The following FGD6 variants were observed in gnomAD, a reference collection of about 807,000 sequenced individuals.
FGD6 encodes the protein FYVE, RhoGEF and PH domain containing 6.
A neutral mutation model predicts 149.4 loss-of-function variants in FGD6; 90 were observed. That is an observed-to-expected ratio of 0.60 (90% CI 0.51 to 0.72). The LOEUF (loss-of-function observed/expected upper bound fraction) is 0.72. FGD6 is among the 30% of genes least tolerant of loss of function. FGD6 has a pLI of 0.00. For synonymous variants in FGD6, 527 were observed against 584.0 expected, an observed-to-expected ratio of 0.90 and a Z score of 1.41; for missense variants, 1,437 against 1,684.8, an observed-to-expected ratio of 0.85 and a Z score of 2.57.
intron 5 of FGD6, 47 bp from the exon 6 acceptor site, chr12:95,141,586 G>C (rs1879848282): frequency 6.2e-7 from 1 of 1,601,754 alleles, no homozygotes; most frequent in Non-Finnish European, 8.5e-7. Flanking sequence ...CATGTAACTT[G>C]ATAACAAGCT....
At position 95,077,373 on chromosome 12, in the gene FGD6, TA is replaced by T. The variant is rs893346995; in HGVS notation, c.*4146del. ...GGAGACAGGATCTAGTCTGGAGGAA[TA>T]GGGGAGAGAAAGACTAAGGGTCAGC... On this transcript the variant is annotated 3_prime_UTR_variant, in exon 21 of 21. Coordinates refer to ENST00000343958, the MANE Select transcript of FGD6 (RefSeq NM_018351.4). 82 of 152,270 alleles carry T rather than the reference TA, an allele frequency of 5.4e-4. No individual in the cohort carries two copies. The highest frequency in any genetic ancestry group is 2.0e-3 in the African/African-American group (82 of 41,468). The allele number at this position is 152,270 out of a possible 1,614,324, so 9.4% of individuals were successfully genotyped here.
Position 95,081,019 on chromosome 12 carries a change from C to G in FGD6, c.*501G>C, listed in dbSNP as rs1039930858. 1 of 152,164 alleles carries G rather than the reference C, an allele frequency of 6.6e-6. No homozygotes were observed. The highest frequency in any genetic ancestry group is 6.5e-5 in the Admixed American group (1 of 15,280). The allele number at this position is 152,164 out of a possible 1,614,324, so 9.4% of individuals were successfully genotyped here. A position where few individuals can be genotyped will look rare whatever the true frequency, so the allele number is the denominator to read the frequency against. Reference sequence around the variant, plus strand: ...GGCCATGTTTTTCCACTAAAAGATACAAATATTCACCCAAGTTTATTGATT... The same window carrying G: ...GGCCATGTTTTTCCACTAAAAGATAGAAATATTCACCCAAGTTTATTGATT... On this transcript the variant is annotated 3_prime_UTR_variant, in exon 21 of 21. Transcript: ENST00000343958.
chr12:95,143,077 T>A (rs1047601233), intron 5 of FGD6, among the ~76,000 whole-genome samples: 2 of 152,018 alleles, frequency 1.3e-5, no homozygotes, highest in African/African-American at 4.8e-5. Flanking sequence ...GATTTTTTCC[T>A]TTTTAGAAAC....
chr12:95,175,316 A>G (rs1173774754), intron 2 of FGD6, among the ~76,000 whole-genome samples: 1 of 152,242 alleles, frequency 6.6e-6, no homozygotes, highest in East Asian at 1.9e-4. Context: ...CCAACACACA[A>G]GAGACCCTCA....
Position 95,102,769 on chromosome 12 carries a change from T to G in FGD6, c.3497+2238A>C, listed in dbSNP as rs1878491471. 2.0e-5 allele frequency among the ~76,000 whole-genome samples: 3 copies of G among 152,160 alleles called. No individual in the cohort carries two copies. The South Asian group carries it at 6.2e-4, about 31-fold the overall frequency. ...GACATTTGGTTTGAGTCCTTGACAT[T>G]CATGGACGTAAGCAAAATTATAAAG... On this transcript the variant is annotated intron_variant, in intron 14 of 20. Transcript: ENST00000343958.
At chr12:95,208,321 C>A (rs2056703422) in intron 2 of FGD6, among the ~76,000 whole-genome samples, 1 of 152,004 alleles carries the variant, frequency 6.6e-6, no homozygotes, top group Non-Finnish European at 1.5e-5. Flanking sequence ...GTGTTTCCTG[C>A]ATTTTTCCTA....
At chr12:95,099,971 C>T (rs769285973) in intron 14 of FGD6, among the ~76,000 whole-genome samples, 6 of 151,836 alleles carry the variant, frequency 4.0e-5, no homozygotes, top group Non-Finnish European at 7.4e-5. Context: ...TTCCTGCCTC[C>T]CTGGTATGTC....
At chr12:95,084,205 C>T (rs540313445) in intron 20 of FGD6, among the ~76,000 whole-genome samples, 1 of 152,346 alleles carries the variant, frequency 6.6e-6, no homozygotes, top group South Asian at 2.1e-4. Flanking sequence ...AGCTTTCCTT[C>T]CTTTCAGCAG....
chr12:95,187,212 T>C (rs1881463091), intron 2 of FGD6, among the ~76,000 whole-genome samples: 1 of 150,580 alleles, frequency 6.6e-6, no homozygotes, highest in Non-Finnish European at 1.5e-5. Context: ...GCGCCTGTAG[T>C]CCCAACTACT....
chr12:95,107,549 A>G lies in FGD6; in HGVS notation c.3333+14T>C, dbSNP rs773390085. 9 of 1,613,814 alleles carry G rather than the reference A, an allele frequency of 5.6e-6. No individual in the cohort carries two copies. In the South Asian group the frequency reaches 9.9e-5, roughly 18 times the overall value. On this transcript the variant is annotated intron_variant, in intron 12 of 20. Transcript: ENST00000343958. ...CCTACCTCGGCCACATCAGAACTAC[A>G]CAAGTCCTCTTACCAGGAAAAACAT...
intron 8 of FGD6, among the ~76,000 whole-genome samples, chr12:95,124,124 C>A (rs1879268957): frequency 6.6e-6 from 1 of 150,526 alleles, no homozygotes; most frequent in South Asian, 2.1e-4. Flanking sequence ...GTTGCCCAGG[C>A]TGGTCTTGAA....
chr12:95,156,792 C>T (rs1880486253), intron 3 of FGD6, among the ~76,000 whole-genome samples: 1 of 152,134 alleles, frequency 6.6e-6, no homozygotes, highest in African/African-American at 2.4e-5. Context: ...CACTTCTGTA[C>T]TCTATCCCTT....
chr12:95,091,970 T>C (rs1240750939), intron 16 of FGD6, among the ~76,000 whole-genome samples, 161 bp from the exon 17 acceptor site: 4 of 152,204 alleles, frequency 2.6e-5, no homozygotes, highest in Non-Finnish European at 4.4e-5. Context: ...TTCAGGCATA[T>C]AGTGAACTAA....
chr12:95,140,834 G>A (rs1038636125), intron 6 of FGD6, among the ~76,000 whole-genome samples: 3 of 151,994 alleles, frequency 2.0e-5, no homozygotes, highest in Non-Finnish European at 4.4e-5. Flanking sequence ...AATTTAAATC[G>A]GCTGCATCTT....
At chr12:95,200,999 C>T (rs187432374) in intron 2 of FGD6, among the ~76,000 whole-genome samples, 7 of 151,556 alleles carry the variant, frequency 4.6e-5, no homozygotes, top group Admixed American at 4.6e-4. Flanking sequence ...AATAAATAGG[C>T]TGATATAAAC....
At chr12:95,160,842 T>C (rs1880617434) in intron 3 of FGD6, among the ~76,000 whole-genome samples, 2 of 151,596 alleles carry the variant, frequency 1.3e-5, no homozygotes, top group Non-Finnish European at 2.9e-5. Context: ...CCAGCCTGGG[T>C]GACGAGAGCA....
At chr12:95,114,538 A>C (rs536262331) in intron 8 of FGD6, among the ~76,000 whole-genome samples, 51 of 152,092 alleles carry the variant, frequency 3.4e-4, no homozygotes, top group Admixed American at 3.9e-4. Flanking sequence ...CCTGCAACAA[A>C]AAAAAAAATT....
intron 14 of FGD6, among the ~76,000 whole-genome samples, chr12:95,102,416 C>T (rs1878469992): frequency 7.1e-6 from 1 of 141,640 alleles, no homozygotes; most frequent in African/African-American, 2.6e-5. Flanking sequence ...TGCACTCCAG[C>T]CTGGGTGACA....
intron 14 of FGD6, among the ~76,000 whole-genome samples, chr12:95,099,922 T>C (rs955599616): frequency 3.9e-5 from 6 of 152,068 alleles, no homozygotes; most frequent in Non-Finnish European, 5.9e-5. Flanking sequence ...GCTCTACCTA[T>C]ATTGGAATTC....
Sources: allele counts gnomAD v4.1 joint callset (sites outside exome capture counted in the v4.1 genomes callset), GRCh38; gene constraint gnomAD v4.1.1; transcripts MANE v1.5; gene names NCBI Gene and HGNC (gene_info 2026-07-23, HGNC 2026-07-21).